ALG6: variants seen among roughly 807,000 people sequenced by gnomAD.
The protein encoded by ALG6 is ALG6 alpha-1,3-glucosyltransferase, also known as dolichyl pyrophosphate Man9GlcNAc2 alpha-1,3-glucosyltransferase.
A neutral mutation model predicts 66.6 loss-of-function variants in ALG6; 46 were observed. The observed-to-expected ratio is 0.69, with a 90% CI of 0.55 to 0.88. ALG6 has a LOEUF of 0.88. Ranked by LOEUF, ALG6 falls within the 40% of genes least tolerant of loss-of-function variation. The pLI is 0.00. For missense variants in ALG6, 505 were observed against 586.8 expected (o/e 0.86, Z 1.44); for synonymous variants, 185 against 203.7 (o/e 0.91, Z 0.78).
rs1248688953 is a variant in ALG6 at position 63,422,432 on chromosome 1, AAT to A, written c.1058+3002_1058+3003del. ...AAATATAAATATATATATAAATATA[AAT>A]ATATATATAAATATATATATAAATA... On this transcript the variant is annotated intron_variant, in intron 12 of 14. Transcript: ENST00000263440. 8.3e-4 allele frequency among the ~76,000 whole-genome samples: 20 copies of A among 23,958 alleles called. 2 individuals carry two copies. Among genetic ancestry groups the A allele is most frequent in the Middle Eastern group, 0.038 (1 of 26 alleles). The allele number at this position is 23,958 out of a possible 152,430, so 15.7% of individuals were successfully genotyped here.
chr1:63,397,479 G>A (rs1430875071), intron 3 of ALG6, among the ~76,000 whole-genome samples: 1 of 152,000 alleles, frequency 6.6e-6, no homozygotes, highest in African/African-American at 2.4e-5. Flanking sequence ...GCCACCATGT[G>A]CGGCCTAGGT....
chr1:63,401,150 G>A (rs189697486), intron 3 of ALG6, among the ~76,000 whole-genome samples: 2 of 152,212 alleles, frequency 1.3e-5, no homozygotes, highest in East Asian at 3.9e-4. Context: ...GTACCATACT[G>A]TAGTACTCTA....
At chr1:63,392,359 C>T (rs1015578845) in intron 2 of ALG6, among the ~76,000 whole-genome samples, 5 of 151,890 alleles carry the variant, frequency 3.3e-5, no homozygotes, top group Non-Finnish European at 5.9e-5. Context: ...TTAGTAGAGA[C>T]GGGGTTTCAC....
At chr1:63,399,961 C>G (rs1242019719) in intron 3 of ALG6, among the ~76,000 whole-genome samples, 1 of 151,226 alleles carries the variant, frequency 6.6e-6, no homozygotes, top group Non-Finnish European at 1.5e-5. Flanking sequence ...CTTTGGGAGA[C>G]CAAGGCGGGC....
intron 2 of ALG6, among the ~76,000 whole-genome samples, chr1:63,384,837 A>G (rs537316819): frequency 3.9e-5 from 6 of 151,998 alleles, no homozygotes; most frequent in East Asian, 3.9e-4. Context: ...TGGTCTAGGT[A>G]TCTGTTTTTA....
chr1:63,419,340 T>A, intron 11 of ALG6, 30 bp from the exon 12 acceptor site: 2 of 1,527,752 alleles, frequency 1.3e-6, no homozygotes, highest in Non-Finnish European at 1.8e-6. Context: ...CAAGTTGTTA[T>A]ATCTCATTTC....
chr1:63,400,757 C>A (rs1407695003), intron 3 of ALG6, among the ~76,000 whole-genome samples: 5 of 152,098 alleles, frequency 3.3e-5, no homozygotes, highest in Non-Finnish European at 5.9e-5. Context: ...ATTGCTGTAT[C>A]CATCTTAGTT....
Position 63,370,943 on chromosome 1 carries a change from C to T in ALG6, c.-35C>T, listed in dbSNP as rs761075072. ...TTTTAAAAGTACTCTGGCACTGGTGCTGTGTTTTCTTCCCCTCCCTAAATT... is the reference window on the plus strand; with the variant it reads ...TTTTAAAAGTACTCTGGCACTGGTGTTGTGTTTTCTTCCCCTCCCTAAATT... On this transcript the variant is annotated 5_prime_UTR_variant, in exon 2 of 15. Transcript: ENST00000263440. 2.3e-6 allele frequency: 3 copies of T among 1,279,458 alleles called. No individual in the cohort carries two copies. Among genetic ancestry groups the T allele is most frequent in the East Asian group, 4.6e-5 (2 of 43,300 alleles). 79.3% of individuals were successfully genotyped at this position (1,279,458 alleles called of 1,614,324 possible). A position where few individuals can be genotyped will look rare whatever the true frequency, so the allele number is the denominator to read the frequency against.
chr1:63,424,810 G>A (rs1644606562), intron 12 of ALG6, among the ~76,000 whole-genome samples: 2 of 134,006 alleles, frequency 1.5e-5, no homozygotes, highest in African/African-American at 3.0e-5. Flanking sequence ...ACAGAGCCTC[G>A]GTCTGTCACC....
intron 11 of ALG6, among the ~76,000 whole-genome samples, chr1:63,418,239 T>G (rs562957968): frequency 2.7e-5 from 4 of 150,320 alleles, no homozygotes; most frequent in African/African-American, 9.7e-5. Context: ...GTTTCTATAG[T>G]TTAGGGTTTT....
intron 9 of ALG6, among the ~76,000 whole-genome samples, chr1:63,412,679 CTTTCA>C (rs1405201479): frequency 1.3e-5 from 2 of 151,976 alleles, no homozygotes; most frequent in African/African-American, 2.4e-5. Context: ...TAATGAGAAT[CTTTCA>C]TTTCATTTCA....
intron 14 of ALG6, among the ~76,000 whole-genome samples, chr1:63,430,573 T>A (rs1200032552): frequency 6.6e-6 from 1 of 152,242 alleles, no homozygotes; most frequent in Non-Finnish European, 1.5e-5. Context: ...GTTGTCTTTT[T>A]AATTATAACC....
At chr1:63,392,612 C>T (rs7528617) in intron 2 of ALG6, among the ~76,000 whole-genome samples, 54,528 of 152,008 alleles carry the variant, frequency 0.36, 9,994 homozygotes, top group East Asian at 0.49. Flanking sequence ...ATGAATAGTT[C>T]AACAATTAAT....
rs182849007 is a variant in ALG6 at position 63,400,238 on chromosome 1, T to C, written c.168-2016T>C. Among the ~76,000 whole-genome samples the C allele has an allele frequency of 1.3e-3, 22 of 16,374 alleles. 7 individuals carry two copies. In the South Asian group the frequency reaches 0.024, roughly 18 times the overall value. The allele number at this position is 16,374 out of a possible 152,430, so 10.7% of individuals were successfully genotyped here. A position where few individuals can be genotyped will look rare whatever the true frequency, so the allele number is the denominator to read the frequency against. ...ATATATATACGTATATATATATATA[T>C]ATATACGTATATATATGTATATATA... On this transcript the variant is annotated intron_variant, in intron 3 of 14. Coordinates refer to ENST00000263440, the MANE Select transcript of ALG6 (RefSeq NM_013339.4).
At chr1:63,413,831 G>T in intron 9 of ALG6, 1 of 447,716 alleles carries the variant, frequency 2.2e-6, no homozygotes, top group East Asian at 4.2e-5. Flanking sequence ...GGAATGTCTG[G>T]ATTATGGTGG....
rs371515667 is a variant in ALG6, at chr1:63,412,048, G to A, written c.803G>A (p.Arg268His). The A allele has an allele frequency of 1.4e-5, 23 of 1,613,932 alleles. No homozygotes were observed. Among genetic ancestry groups the A allele is most frequent in the East Asian group, 6.7e-5 (3 of 44,896 alleles). Reference protein sequence around the residue: ...QVLRRLFPVDRGLFEDKVANI... With the variant: ...QVLRRLFPVDHGLFEDKVANI... ...CTAAGAAGACTCTTCCCGGTTGATC[G>A]TGGATTATTTGAGGCATGTTTAAAC... The change falls in exon 9 of 15, where the codon CGT becomes CAT. Residue 268 changes from arginine to histidine, a missense_variant. By Grantham distance (29) the Arg-to-His change is conservative (BLOSUM62 0). Transcript: ENST00000263440.
chr1:63,379,982 C>T (rs1220285043), intron 2 of ALG6, among the ~76,000 whole-genome samples: 1 of 151,500 alleles, frequency 6.6e-6, no homozygotes, highest in Non-Finnish European at 1.5e-5. Context: ...GGGGCAAAAG[C>T]AACAGGTTTA....
chr1:63,415,397 T>A (rs1338737722), intron 10 of ALG6, among the ~76,000 whole-genome samples: 2 of 152,194 alleles, frequency 1.3e-5, no homozygotes, highest in South Asian at 2.1e-4. Context: ...CCTTTCCACC[T>A]TGTTCTTTAT....
intron 2 of ALG6, among the ~76,000 whole-genome samples, chr1:63,382,448 C>CCGG (rs1648348559): frequency 6.6e-6 from 1 of 151,528 alleles, no homozygotes; most frequent in Non-Finnish European, 1.5e-5. Context: ...AGTGATCTGC[C>CCGG]CGCCTCAGCG....
Sources: gnomAD v4.1 joint callset for allele counts (sites outside exome capture counted in the v4.1 genomes callset) on GRCh38, gnomAD v4.1.1 for gene constraint, MANE v1.5 for transcripts, NCBI Gene and HGNC (gene_info 2026-07-23, HGNC 2026-07-21) for gene names.